Variants in CLASP2 observed in about 807,000 individuals in gnomAD.
CLASP2 encodes the protein cytoplasmic linker associated protein 2, also known as CLIP-associating protein 2.
CLASP2 carries 47 observed loss-of-function variants against 194.4 expected under a neutral mutation model. The ratio of observed to expected loss-of-function variants is 0.24; its 90% CI spans 0.19 to 0.31. CLASP2 has a LOEUF of 0.31. Among genes scored for constraint, CLASP2 ranks in the 10% least tolerant of loss-of-function variants. CLASP2 has a pLI of 1.00. For missense variants in CLASP2, 1,445 were observed against 1,823.6 expected (o/e 0.79, Z 3.78); for synonymous variants, 619 against 633.5 (o/e 0.98, Z 0.34).
intron 3 of CLASP2, 79 bp from the exon 4 acceptor site, chr3:33,688,447 A>T: frequency 9.8e-7 from 1 of 1,021,308 alleles, no homozygotes; most frequent in East Asian, 2.7e-5. Flanking sequence ...TCCCAATCTT[A>T]CTACCAACCT....
chr3:33,593,374 G>A (rs942996432), intron 20 of CLASP2, among the ~76,000 whole-genome samples: 3 of 152,082 alleles, frequency 2.0e-5, no homozygotes, highest in Non-Finnish European at 4.4e-5. Flanking sequence ...AAAAAGAAGG[G>A]CTCAGAATTA....
chr3:33,679,087 A>C (rs1206528710), intron 6 of CLASP2, among the ~76,000 whole-genome samples: 2 of 152,182 alleles, frequency 1.3e-5, no homozygotes, highest in African/African-American at 2.4e-5. Flanking sequence ...GAACCACATA[A>C]ATATGATAAA....
At chr3:33,655,644 C>T (rs1282908247) in intron 7 of CLASP2, among the ~76,000 whole-genome samples, 1 of 152,104 alleles carries the variant, frequency 6.6e-6, no homozygotes, top group Non-Finnish European at 1.5e-5. Context: ...TACCTGATCC[C>T]AGTGTATCAC....
At chr3:33,581,999 T>G in intron 22 of CLASP2, 71 bp from the exon 23 acceptor site, 1 of 1,108,978 alleles carries the variant, frequency 9.0e-7, no homozygotes. Flanking sequence ...TAAAAAATTT[T>G]GTTTTTTTCT....
At position 33,622,135 on chromosome 3, in the gene CLASP2, G is replaced by A. The variant is rs752922489; in HGVS notation, c.1181C>T (p.Ala394Val). Residue 394 changes from alanine (A) to valine (V), a missense_variant and splice_region_variant, in exon 11 of 39, where the codon GCC (alanine) becomes GTC (valine). Coordinates refer to ENST00000682230, the MANE Select transcript of CLASP2 (RefSeq NM_001365631.1). ...CTTATCATAAAAGGAATATACTTACGCTACAGTAATACAAGCTTCTCTAAC... is the reference window on the plus strand; with the variant it reads ...CTTATCATAAAAGGAATATACTTACACTACAGTAATACAAGCTTCTCTAAC... ...QVVREACITV[A>V]HLSTVLGNKF... 3 of 1,573,054 alleles carry A rather than the reference G, an allele frequency of 1.9e-6. No individual in the cohort carries two copies. Among genetic ancestry groups the A allele is most frequent in the South Asian group, 1.2e-5 (1 of 83,766 alleles).
At chr3:33,694,855 C>T (rs2091706222) in intron 2 of CLASP2, among the ~76,000 whole-genome samples, 1 of 151,898 alleles carries the variant, frequency 6.6e-6, no homozygotes, top group African/African-American at 2.4e-5. Context: ...GTGGGAGGAT[C>T]ACTTGAGTGT....
intron 18 of CLASP2, among the ~76,000 whole-genome samples, chr3:33,597,105 T>C (rs912986467): frequency 1.3e-5 from 2 of 152,138 alleles, no homozygotes; most frequent in African/African-American, 4.8e-5. Context: ...TTGCCTATAA[T>C]ATACCCCCAA....
intron 11 of CLASP2, among the ~76,000 whole-genome samples, chr3:33,621,590 C>A (rs1030079987): frequency 2.6e-5 from 4 of 152,000 alleles, no homozygotes; most frequent in Non-Finnish European, 2.9e-5. Flanking sequence ...CTAATACAAT[C>A]CTGATTAGAA....
At chr3:33,644,950 T>G in intron 7 of CLASP2, 47 bp from the exon 8 acceptor site, 1 of 1,541,984 alleles carries the variant, frequency 6.5e-7, no homozygotes, top group South Asian at 1.2e-5. Flanking sequence ...TAAGCTTTGT[T>G]CCATTTTCCC....
chr3:33,544,276 A>G (rs1219319403), intron 31 of CLASP2, among the ~76,000 whole-genome samples: 1 of 152,228 alleles, frequency 6.6e-6, no homozygotes, highest in East Asian at 1.9e-4. Context: ...GCCTGTGATC[A>G]TTTAATGTGA....
chr3:33,624,449 G>A (rs920189367), intron 10 of CLASP2, among the ~76,000 whole-genome samples: 5 of 151,948 alleles, frequency 3.3e-5, no homozygotes, highest in African/African-American at 7.2e-5. Context: ...TACCTGCAAC[G>A]TATAAGATGA....
chr3:33,538,258 A>C (rs1559919730), intron 33 of CLASP2, among the ~76,000 whole-genome samples: 1 of 152,154 alleles, frequency 6.6e-6, no homozygotes, highest in Non-Finnish European at 1.5e-5. Flanking sequence ...GTTCCCATCT[A>C]AATGTCTTTG....
intron 2 of CLASP2, among the ~76,000 whole-genome samples, chr3:33,696,614 C>T (rs151179056): frequency 8.3e-4 from 126 of 151,804 alleles, no homozygotes; most frequent in Admixed American, 1.9e-3. Context: ...TACAGGCACA[C>T]GCCATCACAC....
rs115271101 is a variant in CLASP2, at chr3:33,603,157, C to G, written c.1751-32G>C. ...AATACAAAGCAAAGATAACTTATATCATTTAAATCACTGAAAACATGAAAA... is the reference window on the plus strand; with the variant it reads ...AATACAAAGCAAAGATAACTTATATGATTTAAATCACTGAAAACATGAAAA... On this transcript the variant is annotated intron_variant, in intron 17 of 38. Coordinates refer to ENST00000682230, the MANE Select transcript of CLASP2 (RefSeq NM_001365631.1). 3.2e-3 allele frequency: 4,794 copies of G among 1,499,496 alleles called. 127 individuals carry two copies. In the African/African-American group the frequency reaches 0.06, roughly 19 times the overall value. 92.9% of individuals were successfully genotyped at this position (1,499,496 alleles called of 1,614,324 possible). A position where few individuals can be genotyped will look rare whatever the true frequency, so the allele number is the denominator to read the frequency against.
chr3:33,715,479 C>T (rs1031559266), intron 1 of CLASP2, among the ~76,000 whole-genome samples: 2 of 152,172 alleles, frequency 1.3e-5, no homozygotes, highest in African/African-American at 4.8e-5. Context: ...TCTCCTCCTA[C>T]TAGAATCTAA....
intron 8 of CLASP2, among the ~76,000 whole-genome samples, chr3:33,638,066 C>A (rs772976521): frequency 1.6e-4 from 25 of 151,982 alleles, no homozygotes; most frequent in Non-Finnish European, 1.9e-4. Context: ...GAAAGATGTT[C>A]TGTGAAAAAA....
chr3:33,663,197 C>CAAAAAAAAAAA, intron 7 of CLASP2, among the ~76,000 whole-genome samples: 1 of 100,768 alleles, frequency 9.9e-6, no homozygotes, highest in Non-Finnish European at 2.0e-5. Flanking sequence ...GCAGTATCAC[C>CAAAAAAAAAAA]AAAAAAAAAA....
intron 2 of CLASP2, 51 bp from the exon 3 acceptor site, chr3:33,689,983 T>A: frequency 8.5e-7 from 1 of 1,180,906 alleles, no homozygotes. Context: ...TCATCTCCAT[T>A]AAAAACTATA....
chr3:33,678,367 G>T (rs573561391), intron 6 of CLASP2, among the ~76,000 whole-genome samples: 2 of 152,104 alleles, frequency 1.3e-5, no homozygotes, highest in South Asian at 4.2e-4. Flanking sequence ...TATTCTCAAA[G>T]TAACCAGAGG....
Sources: allele counts gnomAD v4.1 joint callset (sites outside exome capture counted in the v4.1 genomes callset), GRCh38; gene constraint gnomAD v4.1.1; transcripts MANE v1.5; gene names NCBI Gene and HGNC (gene_info 2026-07-23, HGNC 2026-07-21).